Variants in CDH12 observed in about 807,000 individuals in gnomAD.
CDH12 encodes the protein cadherin 12.
Under a neutral mutation model 74.1 loss-of-function variants are expected in CDH12, and 41 were observed. The observed-to-expected ratio is 0.55, with a 90% CI of 0.43 to 0.72. The LOEUF is 0.72. Among genes scored for constraint, CDH12 ranks in the 30% least tolerant of loss-of-function variants. The probability of loss-of-function intolerance (pLI) is 0.00; values close to 1 mark genes in which losing one functional copy is unlikely to be tolerated. For synonymous variants in CDH12, 399 were observed against 355.0 expected, an observed-to-expected ratio of 1.12 and a Z score of -1.39; for missense variants, 945 against 977.2, an observed-to-expected ratio of 0.97 and a Z score of 0.44.
intron 5 of CDH12, among the ~76,000 whole-genome samples, chr5:21,996,035 C>A (rs541065183): frequency 1.3e-5 from 2 of 151,308 alleles, no homozygotes; most frequent in South Asian, 4.2e-4. Context: ...AATTTATTGA[C>A]CTTCTCATAA....
At chr5:22,678,240 T>C (rs1013526103) in intron 1 of CDH12, among the ~76,000 whole-genome samples, 2 of 152,118 alleles carry the variant, frequency 1.3e-5, no homozygotes, top group Admixed American at 1.3e-4. Flanking sequence ...TGCTAAACTC[T>C]TAGTGTGCAC....
In CDH12 at chr5:22,566,864, T is replaced by C. The variant is rs72746612; in HGVS notation, c.-522-61500A>G. Among the ~76,000 whole-genome samples the C allele has an allele frequency of 6.0e-3, 917 of 152,248 alleles. 6 individuals are homozygous for C. Among genetic ancestry groups the C allele is most frequent in the Non-Finnish European group, 8.8e-3 (600 of 68,024 alleles). Reference sequence around the variant, plus strand: ...TGTTTTTCATAATATACTTGACAAGTGACATTCAAATGCATAACATTCAAT... The same window carrying C: ...TGTTTTTCATAATATACTTGACAAGCGACATTCAAATGCATAACATTCAAT... On this transcript the variant is annotated intron_variant, in intron 1 of 14. Transcript: ENST00000382254.
intron 2 of CDH12, among the ~76,000 whole-genome samples, chr5:22,497,996 C>T (rs1404918638): frequency 1.3e-5 from 2 of 152,066 alleles, no homozygotes; most frequent in African/African-American, 4.8e-5. Flanking sequence ...AAGTTTCCAT[C>T]ACACTGGCCT....
chr5:22,261,738 A>G (rs1753520682), intron 3 of CDH12, among the ~76,000 whole-genome samples: 1 of 151,674 alleles, frequency 6.6e-6, no homozygotes, highest in Non-Finnish European at 1.5e-5. Context: ...TTAAATTTGC[A>G]TGTGTCCCAC....
intron 2 of CDH12, among the ~76,000 whole-genome samples, chr5:22,426,684 T>C (rs549139011): frequency 1.3e-5 from 2 of 152,330 alleles, no homozygotes; most frequent in South Asian, 2.1e-4. Flanking sequence ...AATATAATTT[T>C]AATATATCAA....
chr5:22,404,027 T>C (rs1005735781), intron 3 of CDH12, among the ~76,000 whole-genome samples: 8 of 152,124 alleles, frequency 5.3e-5, no homozygotes, highest in African/African-American at 1.9e-4. Context: ...AATGCTAAAA[T>C]TGAACAAAAT....
chr5:22,184,767 C>A (rs1189846952), intron 4 of CDH12, among the ~76,000 whole-genome samples: 1 of 152,150 alleles, frequency 6.6e-6, no homozygotes, highest in Admixed American at 6.5e-5. Context: ...ATCATTCCCC[C>A]CAACAGTAGT....
chr5:21,833,750 T>G (rs1749372747), intron 8 of CDH12, among the ~76,000 whole-genome samples: 1 of 151,470 alleles, frequency 6.6e-6, no homozygotes, highest in Admixed American at 6.6e-5. Context: ...ACCACAAAAC[T>G]TATCTAAAAT....
chr5:22,107,526 T>C (rs1744546780), intron 4 of CDH12, among the ~76,000 whole-genome samples: 1 of 150,906 alleles, frequency 6.6e-6, no homozygotes, highest in Non-Finnish European at 1.5e-5. Flanking sequence ...TATATACATA[T>C]AATAATCAGT....
intron 1 of CDH12, among the ~76,000 whole-genome samples, chr5:22,514,271 T>C (rs1314986785): frequency 6.6e-6 from 1 of 151,834 alleles, no homozygotes. Context: ...GTCACCAAAA[T>C]ACATGAACAT....
intron 4 of CDH12, among the ~76,000 whole-genome samples, chr5:22,178,268 T>C (rs971229498): frequency 2.0e-5 from 3 of 152,270 alleles, no homozygotes; most frequent in Non-Finnish European, 4.4e-5. Flanking sequence ...TCAAATACCA[T>C]GGATACCAGA....
At chr5:22,197,434 G>A (rs1434146488) in intron 4 of CDH12, among the ~76,000 whole-genome samples, 1 of 152,128 alleles carries the variant, frequency 6.6e-6, no homozygotes, top group East Asian at 1.9e-4. Context: ...GCAACAGAGC[G>A]AGACACCGTC....
chr5:22,774,768 T>C (rs1050292002), intron 1 of CDH12, among the ~76,000 whole-genome samples: 16 of 152,120 alleles, frequency 1.1e-4, no homozygotes, highest in African/African-American at 3.6e-4. Context: ...TTATCAGCAG[T>C]GTGAAAACAG....
At chr5:22,138,341 TA>T (rs1285916963) in intron 4 of CDH12, among the ~76,000 whole-genome samples, 1 of 151,702 alleles carries the variant, frequency 6.6e-6, no homozygotes. Flanking sequence ...GAAAGAATTA[TA>T]TTTTTTATAA....
At chr5:22,808,369 G>T (rs1398714032) in intron 1 of CDH12, among the ~76,000 whole-genome samples, 1 of 152,092 alleles carries the variant, frequency 6.6e-6, no homozygotes, top group African/African-American at 2.4e-5. Flanking sequence ...TGATGAATAA[G>T]AAAGATGAGT....
At chr5:22,196,823 A>G (rs1160571369) in intron 4 of CDH12, among the ~76,000 whole-genome samples, 4 of 152,046 alleles carry the variant, frequency 2.6e-5, no homozygotes, top group Non-Finnish European at 5.9e-5. Flanking sequence ...CTTGTTGGGT[A>G]TTCTCTCCCT....
intron 4 of CDH12, among the ~76,000 whole-genome samples, chr5:22,122,338 G>C (rs532383942): frequency 6.6e-6 from 1 of 152,158 alleles, no homozygotes; most frequent in Non-Finnish European, 1.5e-5. Context: ...AGGAGGCAGA[G>C]GTTGCAGTGA....
chr5:22,078,135 TG>T (rs1742459996), intron 5 of CDH12, among the ~76,000 whole-genome samples: 1 of 152,168 alleles, frequency 6.6e-6, no homozygotes. Flanking sequence ...CTTCTAACTA[TG>T]GTTATAATTA....
intron 4 of CDH12, among the ~76,000 whole-genome samples, chr5:22,145,093 G>T (rs1468353495): frequency 1.3e-5 from 2 of 152,006 alleles, no homozygotes; most frequent in Admixed American, 1.3e-4. Flanking sequence ...TTTTGGAAAA[G>T]GTGGGAGATT....
Sources: gnomAD v4.1 joint callset for allele counts (sites outside exome capture counted in the v4.1 genomes callset) on GRCh38, gnomAD v4.1.1 for gene constraint, MANE v1.5 for transcripts, NCBI Gene and HGNC (gene_info 2026-07-23, HGNC 2026-07-21) for gene names.